The following ESS2 variants were observed in gnomAD, a reference collection of about 807,000 sequenced individuals.
ESS2 encodes splicing factor ESS-2 homolog.
A neutral mutation model predicts 52.0 loss-of-function variants in ESS2; 31 were observed. That is an observed-to-expected ratio of 0.60 (90% CI 0.45 to 0.81). The LOEUF (loss-of-function observed/expected upper bound fraction) is 0.81, where lower values mean the gene tolerates loss of function less well. Ranked by LOEUF, ESS2 falls within the 30% of genes least tolerant of loss-of-function variation. The pLI is 0.00. For synonymous variants in ESS2, 285 were observed against 259.2 expected (o/e 1.10, Z -0.95); for missense variants, 602 against 637.2 (o/e 0.94, Z 0.59).
At position 19,143,215 on chromosome 22, in the gene ESS2, A is replaced by AAG. The variant is rs1555916421; in HGVS notation, c.136-322_136-321insCT. Among the ~76,000 whole-genome samples the AAG allele has an allele frequency of 4.6e-5, 7 of 150,940 alleles. No homozygotes were observed. In the South Asian group the frequency reaches 1.5e-3, roughly 32 times the overall value. ...GCGAGACCGTCTCAAAAAAAAAAAAAAAAAAGAAAAAAGAAAGTCGGAGCT... is the reference window on the plus strand; with the variant it reads ...GCGAGACCGTCTCAAAAAAAAAAAAAAGAAAAAGAAAAAAGAAAGTCGGAGCT... On this transcript the variant is annotated intron_variant, in intron 1 of 9. Coordinates refer to ENST00000252137, the MANE Select transcript of ESS2 (RefSeq NM_022719.3).
intron 1 of ESS2, among the ~76,000 whole-genome samples, chr22:19,143,535 C>T (rs950581603): frequency 2.2e-4 from 34 of 152,212 alleles, no homozygotes; most frequent in Admixed American, 1.3e-4. Flanking sequence ...ACTTTCATTC[C>T]ACACATGACT....
At chr22:19,137,984 C>G in intron 7 of ESS2, 1 of 985,432 alleles carries the variant, frequency 1.0e-6, no homozygotes. Context: ...GACACGTCAT[C>G]CCAGGATGTC....
Position 19,131,509 on chromosome 22 carries a change from A to G in ESS2, c.*2687T>C. On this transcript the variant is annotated 3_prime_UTR_variant, in exon 10 of 10. Coordinates refer to ENST00000252137, the MANE Select transcript of ESS2 (RefSeq NM_022719.3). This position sits in a 1 kb window ranked among gnomAD's most constrained non-coding sequence, Gnocchi z 5.7. Reference sequence around the variant, plus strand: ...GCCTACTCTGAGCGCCTCAAGTTCAATGTGGCTGTCAAGATCATCGACCGC... The same window carrying G: ...GCCTACTCTGAGCGCCTCAAGTTCAGTGTGGCTGTCAAGATCATCGACCGC... The G allele has an allele frequency of 1.9e-6, 3 of 1,614,164 alleles. No homozygotes were observed. In the African/African-American group the frequency reaches 4.0e-5, roughly 22 times the overall value.
Position 19,131,059 on chromosome 22 carries a change from C to T in ESS2, c.*3137G>A. 3.7e-6 allele frequency: 1 copy of T among 268,962 alleles called. No homozygotes were observed. The highest frequency in any genetic ancestry group is 6.7e-5 in the South Asian group (1 of 14,824). The allele number at this position is 268,962 out of a possible 1,614,324, so 16.7% of individuals were successfully genotyped here. ...GCCTCCCCTCCAGCTTGACTTGTGA[C>T]AGGGAAACCAATGCAGCAGCAGCAG... On this transcript the variant is annotated 3_prime_UTR_variant, in exon 10 of 10. Coordinates refer to ENST00000252137, the MANE Select transcript of ESS2 (RefSeq NM_022719.3). The surrounding 1 kb of genome is among the most constrained non-coding windows in gnomAD (Gnocchi z 5.7).
rs2083496738 is a variant in ESS2, at chr22:19,130,513, C to CA, written c.*3682dup. On this transcript the variant is annotated 3_prime_UTR_variant, in exon 10 of 10. Transcript: ENST00000252137. Reference sequence around the variant, plus strand: ...CCGATTAAAAGGGGCCCAGTGCCTTCAAGGCCTGTCTACTGTGGTACCGGA... The same window carrying CA: ...CCGATTAAAAGGGGCCCAGTGCCTTCAAAGGCCTGTCTACTGTGGTACCGGA... 1 of 371,678 alleles carries CA rather than the reference C, an allele frequency of 2.7e-6. No individual in the cohort carries two copies. The highest frequency in any genetic ancestry group is 3.9e-5 in the Admixed American group (1 of 25,940). 23.0% of individuals were successfully genotyped at this position (371,678 alleles called of 1,614,324 possible).
chr22:19,137,413 C>G lies in ESS2; in HGVS notation c.945G>C (p.Met315Ile), dbSNP rs2083602686. The G allele has an allele frequency of 1.2e-6, 2 of 1,613,488 alleles. No homozygotes were observed. Among genetic ancestry groups the G allele is most frequent in the Non-Finnish European group, 1.7e-6 (2 of 1,179,664 alleles). The change falls in exon 8 of 10, where the codon ATG becomes ATC. Residue 315 changes from methionine (M) to isoleucine (I), a missense_variant. Physicochemically the swap from Met to Ile is conservative, Grantham distance 10. Transcript: ENST00000252137. ...TGTTCTCAACCTCCCCCCAGGTCAT[C>G]ATCGGGGACTCGTTCACACCTGCAG... ...SPAPGVNESPMMTWGEVENTP... is the reference protein window; with the variant it reads ...SPAPGVNESPIMTWGEVENTP...
In ESS2 at chr22:19,139,273, C is replaced by G. The variant is rs2083640886; in HGVS notation, c.708G>C (p.Gln236His). ...CCACCTGCCGGGGCTTCTTAAACAG[C>G]TGCTCCTCGTCAGGGACACCTGGCA... ...YYPEGVPDEEQLFKKPRQVVH... is the reference protein window; with the variant it reads ...YYPEGVPDEEHLFKKPRQVVH... The change falls in exon 6 of 10, where the codon CAG (glutamine) becomes CAC (histidine). Residue 236 changes from glutamine to histidine, a missense_variant. Coordinates refer to ENST00000252137, the MANE Select transcript of ESS2 (RefSeq NM_022719.3). The G allele has an allele frequency of 9.4e-6, 15 of 1,601,324 alleles. No individual in the cohort carries two copies. Among genetic ancestry groups the G allele is most frequent in the Middle Eastern group, 1.7e-4 (1 of 6,010 alleles).
At chr22:19,135,625 T>A (rs1161251312) in intron 8 of ESS2, among the ~76,000 whole-genome samples, 4 of 152,250 alleles carry the variant, frequency 2.6e-5, no homozygotes, top group Non-Finnish European at 5.9e-5. Flanking sequence ...GCACATGTTT[T>A]TTCACTCATT....
rs1453766489 is a variant in ESS2, at chr22:19,133,171, A to G, written c.*1025T>C. On this transcript the variant is annotated 3_prime_UTR_variant, in exon 10 of 10. Transcript: ENST00000252137. ...TCAAGCTGCTCAGCAGCCCTTGATG[A>G]TGGCACACTGGCCGGTCTTTTGTGC... 6.6e-6 allele frequency: 1 copy of G among 152,134 alleles called. No individual in the cohort carries two copies. The highest frequency in any genetic ancestry group is 1.5e-5 in the Non-Finnish European group (1 of 68,072). 9.4% of individuals were successfully genotyped at this position (152,134 alleles called of 1,614,324 possible).
intron 8 of ESS2, among the ~76,000 whole-genome samples, chr22:19,136,737 A>G (rs1483034051): frequency 6.6e-6 from 1 of 152,118 alleles, no homozygotes; most frequent in African/African-American, 2.4e-5. Flanking sequence ...TGTCCCAGAC[A>G]ATTTAGAACC....
At position 19,134,432 on chromosome 22, in the gene ESS2, G is replaced by C. The variant is rs778130843; in HGVS notation, c.1195C>G (p.Gln399Glu). ...GLSPAMSPAL[Q>E]RLVSRTASKY... ...CTGGCCGTCCTGCTCACAAGGCGCTGTAGGGCTGGCGACATGGCTGGGCTC... is the reference window on the plus strand; with the variant it reads ...CTGGCCGTCCTGCTCACAAGGCGCTCTAGGGCTGGCGACATGGCTGGGCTC... The change falls in exon 10 of 10, where the codon CAG becomes GAG. Residue 399 changes from glutamine to glutamate, a missense_variant. Transcript: ENST00000252137. The C allele has an allele frequency of 5.6e-6, 9 of 1,595,778 alleles. No individual in the cohort carries two copies. Among genetic ancestry groups the C allele is most frequent in the South Asian group, 5.6e-5 (5 of 89,522 alleles).
intron 3 of ESS2, among the ~76,000 whole-genome samples, chr22:19,141,986 TG>T (rs2146106625): frequency 6.6e-6 from 1 of 152,122 alleles, no homozygotes; most frequent in Non-Finnish European, 1.5e-5. Context: ...CGAGACTCTG[TG>T]TCAAAAAATT....
rs374703905 is a variant in ESS2 at position 19,132,266 on chromosome 22, G to T, written c.*1930C>A. 18 of 1,612,634 alleles carry T rather than the reference G, an allele frequency of 1.1e-5. No homozygotes were observed. The highest frequency in any genetic ancestry group is 2.7e-5 in the African/African-American group (2 of 74,880). On this transcript the variant is annotated 3_prime_UTR_variant, in exon 10 of 10. Coordinates refer to ENST00000252137, the MANE Select transcript of ESS2 (RefSeq NM_022719.3). This position sits in a 1 kb window ranked among gnomAD's most constrained non-coding sequence, Gnocchi z 4.2. ...CTTCTGCCTCCTTCAAGAGGGAGGGGGAGGGCAAGTACCGCGCTGAGTGCA... is the reference window on the plus strand; with the variant it reads ...CTTCTGCCTCCTTCAAGAGGGAGGGTGAGGGCAAGTACCGCGCTGAGTGCA...
chr22:19,141,121 G>GAA (rs202201984), intron 3 of ESS2, among the ~76,000 whole-genome samples: 16 of 131,708 alleles, frequency 1.2e-4, no homozygotes, highest in Non-Finnish European at 1.5e-4. Flanking sequence ...ATCTCTATAG[G>GAA]AAAAAAAAAA....
chr22:19,139,171 G>A lies in ESS2; in HGVS notation c.810C>T (p.Ala270=). The A allele has an allele frequency of 1.3e-6, 2 of 1,598,272 alleles. No individual in the cohort carries two copies. The highest frequency in any genetic ancestry group is 1.7e-6 in the Non-Finnish European group (2 of 1,172,138). The change falls in exon 6 of 10, where the codon GCC becomes GCT. Residue 270 remains alanine (A), a synonymous_variant. Coordinates refer to ENST00000252137, the MANE Select transcript of ESS2 (RefSeq NM_022719.3). Reference sequence around the variant, plus strand: ...CCCGCCTGCTCACCTGGGCATTGAGGGCGGCTGCCTGCTGGAGCTGGCACC... The same window carrying A: ...CCCGCCTGCTCACCTGGGCATTGAGAGCGGCTGCCTGCTGGAGCTGGCACC... ...LSRCQLQQAA[A]LNAQHKQGKV... is the part of the protein sequence containing the mutation.
intron 1 of ESS2, among the ~76,000 whole-genome samples, chr22:19,143,525 A>C (rs1017658073): frequency 2.0e-5 from 3 of 152,162 alleles, no homozygotes; most frequent in African/African-American, 7.2e-5. Flanking sequence ...GGGTGTTGTC[A>C]CTTTCATTCC....
Position 19,142,539 on chromosome 22 carries a change from A to C in ESS2, c.399T>G (p.Asp133Glu). Residue 133 changes from aspartate to glutamate, a missense_variant and splice_region_variant, in exon 3 of 10, where the codon GAT becomes GAG. Asp to Glu is a conservative substitution (Grantham distance 45). Transcript: ENST00000252137. ...CTTAAAGAGGGCACCCTCACTCACC[A>C]TCCTCCAGGCCTCGGCCGCGGGGCC... ...KPRPRGRGLE[D>E]GEAGEEEEKE... The C allele has an allele frequency of 6.3e-7, 1 of 1,599,986 alleles. No individual in the cohort carries two copies. The highest frequency in any genetic ancestry group is 1.1e-5 in the South Asian group (1 of 88,934).
At chr22:19,135,287 AC>A in intron 8 of ESS2, 112 bp from the exon 9 acceptor site, 2 of 792,058 alleles carry the variant, frequency 2.5e-6, no homozygotes, top group South Asian at 1.8e-5. Context: ...TGCCTACAAA[AC>A]CCCCACAACC....
At position 19,135,128 on chromosome 22, in the gene ESS2, G is replaced by A. The variant is rs1320648969; in HGVS notation, c.1083C>T (p.Asn361=). ...RRERLGLKMA[N]EAAAKNRAKK... ...TGGCCCGGTTCTTGGCAGCGGCCTC[G>A]TTGGCCATCTTCAGACCCAGCCGCT... is the stretch of plus-strand genomic sequence containing the variant. The change falls in exon 9 of 10, where the codon AAC becomes AAT. Residue 361 remains asparagine (N), a synonymous_variant. Coordinates refer to ENST00000252137, the MANE Select transcript of ESS2 (RefSeq NM_022719.3). The A allele has an allele frequency of 6.8e-6, 11 of 1,613,974 alleles. No individual in the cohort carries two copies. The highest frequency in any genetic ancestry group is 6.6e-5 in the South Asian group (6 of 91,058).
Sources: allele counts gnomAD v4.1 joint callset (sites outside exome capture counted in the v4.1 genomes callset), GRCh38; gene constraint gnomAD v4.1.1; non-coding constraint Gnocchi (gnomAD v3.1); transcripts MANE v1.5; gene names NCBI Gene and HGNC (gene_info 2026-07-23, HGNC 2026-07-21).